The following PFKP variants were observed in gnomAD, a reference collection of about 807,000 sequenced individuals.
The protein encoded by PFKP is ATP-dependent 6-phosphofructokinase, platelet type.
A neutral mutation model predicts 94.3 loss-of-function variants in PFKP; 101 were observed. That is an observed-to-expected ratio of 1.07 (90% CI 0.91 to 1.26). PFKP has a LOEUF of 1.26. Among genes scored for constraint, PFKP ranks in the 50% most tolerant of loss-of-function variants. The pLI is 0.00. For missense variants in PFKP, 1,145 were observed against 1,103.3 expected, an observed-to-expected ratio of 1.04 and a Z score of -0.53; for synonymous variants, 573 against 432.6, an observed-to-expected ratio of 1.32 and a Z score of -4.03.
At chr10:3,121,907 G>A (rs1038634180) in intron 16 of PFKP, among the ~76,000 whole-genome samples, 2 of 135,088 alleles carry the variant, frequency 1.5e-5, no homozygotes. Context: ...CTGCAGCCTC[G>A]ACCTCCCAGG....
intron 14 of PFKP, among the ~76,000 whole-genome samples, chr10:3,118,200 G>A (rs150249877): frequency 3.3e-5 from 5 of 152,242 alleles, no homozygotes; most frequent in African/African-American, 4.8e-5. Flanking sequence ...TGGGCACGGC[G>A]GCTCACACCT....
intron 1 of PFKP, among the ~76,000 whole-genome samples, chr10:3,076,039 A>AAAAAAAAC (rs1832561630): frequency 7.1e-6 from 1 of 140,560 alleles, no homozygotes; most frequent in Non-Finnish European, 1.5e-5. Context: ...AAAAAAAAAA[A>AAAAAAAAC]AGTAAAAACC....
intron 2 of PFKP, among the ~76,000 whole-genome samples, chr10:3,084,144 T>C (rs1347671271): frequency 6.6e-6 from 1 of 152,226 alleles, no homozygotes; most frequent in Non-Finnish European, 1.5e-5. Context: ...GGTCCTAATA[T>C]CAGGCACCGA....
Position 3,125,750 on chromosome 10 carries a change from A to AG in PFKP, c.1684-4065dup, listed in dbSNP as rs1192995095. ...CGGTTTCACCAACATGTGCCTTGGG[A>AG]GGGGTGGATTCTGCCAGTCGTGGGT... is the stretch of plus-strand genomic sequence containing the variant. On this transcript the variant is annotated intron_variant, in intron 16 of 21. Coordinates refer to ENST00000381125, the MANE Select transcript of PFKP (RefSeq NM_002627.5). Among the ~76,000 whole-genome samples, 4 of 152,324 alleles carry AG rather than the reference A, an allele frequency of 2.6e-5. No homozygotes were observed. The East Asian group carries it at 7.7e-4, about 29-fold the overall frequency.
At chr10:3,103,459 C>T (rs536857794) in intron 4 of PFKP, among the ~76,000 whole-genome samples, 126 of 152,140 alleles carry the variant, frequency 8.3e-4, no homozygotes, top group Admixed American at 1.6e-3. Flanking sequence ...CCCGCCTGGG[C>T]AACATAGAGT....
chr10:3,088,694 A>C (rs1263535262), intron 2 of PFKP, among the ~76,000 whole-genome samples: 1 of 152,194 alleles, frequency 6.6e-6, no homozygotes. Flanking sequence ...TATGGGGTAC[A>C]TGTGATTTTT....
At chr10:3,096,350 A>C (rs554585129) in intron 2 of PFKP, among the ~76,000 whole-genome samples, 1 of 152,162 alleles carries the variant, frequency 6.6e-6, no homozygotes, top group Non-Finnish European at 1.5e-5. Context: ...GGCGGCCGGA[A>C]CTGGCACCTT....
chr10:3,124,145 C>T (rs1012064093), intron 16 of PFKP, among the ~76,000 whole-genome samples: 5 of 152,238 alleles, frequency 3.3e-5, no homozygotes, highest in African/African-American at 1.2e-4. Context: ...CCAGATCGCT[C>T]ACTGTCCGAC....
chr10:3,116,866 T>C lies in PFKP; in HGVS notation c.1442+20T>C. 6.5e-7 allele frequency: 1 copy of C among 1,547,752 alleles called. No homozygotes were observed. On this transcript the variant is annotated intron_variant, in intron 14 of 21. Coordinates refer to ENST00000381125, the MANE Select transcript of PFKP (RefSeq NM_002627.5). ...AAAACGGTAACTTCCAAATCTCAAC[T>C]CTATGACCTGCTTTTAAGGAAGAAG...
Position 3,103,884 on chromosome 10 carries a change from C to T in PFKP, c.560C>T (p.Thr187Met), listed in dbSNP as rs373948435. The change falls in exon 5 of 22, where the codon ACG (threonine) becomes ATG (methionine). Residue 187 changes from threonine (T) to methionine (M), a missense_variant. Thr to Met is a moderately conservative substitution (Grantham distance 81). Transcript: ENST00000381125. ...DFCGTDMTIG[T>M]DSALHRIIEV... ...TGCGGCACCGACATGACCATCGGCACGGACTCCGCCCTGCACAGGATCATC... is the reference window on the plus strand; with the variant it reads ...TGCGGCACCGACATGACCATCGGCATGGACTCCGCCCTGCACAGGATCATC... The T allele has an allele frequency of 7.4e-6, 12 of 1,613,862 alleles. No individual in the cohort carries two copies. The highest frequency in any genetic ancestry group is 4.5e-5 in the East Asian group (2 of 44,880).
rs778705665 is a variant in PFKP at position 3,067,572 on chromosome 10, G to A, written c.-24G>A. The A allele has an allele frequency of 3.5e-5, 46 of 1,327,600 alleles. No homozygotes were observed. In the South Asian group the frequency reaches 5.4e-4, roughly 16 times the overall value. 82.2% of individuals were successfully genotyped at this position (1,327,600 alleles called of 1,614,324 possible). ...CATTGCCTGCTGCGCACCCGGACGT[G>A]CGGCTCCCCTCGGCCTCCTCGCCAT... On this transcript the variant is annotated 5_prime_UTR_variant, in exon 1 of 22. Transcript: ENST00000381125.
chr10:3,122,183 C>T (rs142590959), intron 16 of PFKP, among the ~76,000 whole-genome samples: 144 of 152,074 alleles, frequency 9.5e-4, no homozygotes, highest in African/African-American at 2.9e-3. Context: ...TTGAGCCTCC[C>T]GTTGGCCAGG....
chr10:3,124,992 G>A (rs1354715106), intron 16 of PFKP: 3 of 936,036 alleles, frequency 3.2e-6, no homozygotes, highest in South Asian at 4.8e-5. Flanking sequence ...GGCTTCCCCT[G>A]GTGACTCAGT....
At chr10:3,128,054 A>C (rs910494884) in intron 16 of PFKP, among the ~76,000 whole-genome samples, 1 of 152,190 alleles carries the variant, frequency 6.6e-6, no homozygotes. Context: ...GCTGAGTCCC[A>C]TGGAGGCCCA....
chr10:3,134,446 T>TTATATGAA (rs147431012), intron 19 of PFKP, 37 bp from the exon 20 acceptor site: 8 of 1,178,060 alleles, frequency 6.8e-6, no homozygotes, highest in South Asian at 1.2e-5. Flanking sequence ...AGTGTTACTG[T>TTATATGAA]ATAACTGGTA....
chr10:3,118,073 G>GT (rs1228286161), intron 14 of PFKP, among the ~76,000 whole-genome samples: 2 of 152,224 alleles, frequency 1.3e-5, no homozygotes, highest in Non-Finnish European at 2.9e-5. Context: ...TGTGACATTG[G>GT]TGAGAGCATG....
Position 3,129,875 on chromosome 10 carries a change from C to T in PFKP, c.1740C>T (p.Ile580=), listed in dbSNP as rs148174090. 9.4e-4 allele frequency: 1,516 copies of T among 1,613,720 alleles called. 15 individuals carry two copies. The African/African-American group carries it at 0.018, about 19-fold the overall frequency. Residue 580 remains isoleucine, a synonymous_variant, in exon 17 of 22, where the codon ATC becomes ATT. Transcript: ENST00000381125. ...GAACCAAGCGGCGCGTGTTCATCAT[C>T]GAGACCATGGGCGGCTACTGTGGCT... ...ASGTKRRVFI[I]ETMGGYCGYL...
chr10:3,073,830 T>TG (rs1564257988), intron 1 of PFKP, among the ~76,000 whole-genome samples: 1 of 150,584 alleles, frequency 6.6e-6, no homozygotes, highest in African/African-American at 2.5e-5. Context: ...TGTGTGTTTT[T>TG]TTTGTTTGTT....
At chr10:3,135,700 C>G (rs776788623) in intron 20 of PFKP, 36 bp from the exon 21 acceptor site, 2 of 1,290,614 alleles carry the variant, frequency 1.5e-6, no homozygotes, top group Non-Finnish European at 2.2e-6. Context: ...CCCATGTTGA[C>G]AGGGTGTTAT....
Sources: allele counts gnomAD v4.1 joint callset (sites outside exome capture counted in the v4.1 genomes callset), GRCh38; gene constraint gnomAD v4.1.1; transcripts MANE v1.5; gene names NCBI Gene and HGNC (gene_info 2026-07-23, HGNC 2026-07-21).